Variants in CBFA2T3 observed in about 807,000 individuals in gnomAD.
CBFA2T3 encodes the protein CBFA2/RUNX1 partner transcriptional co-repressor 3.
CBFA2T3 carries 31 observed loss-of-function variants against 58.6 expected under a neutral mutation model. The ratio of observed to expected loss-of-function variants is 0.53; its 90% confidence interval spans 0.40 to 0.71. The LOEUF (loss-of-function observed/expected upper bound fraction) is 0.71, where lower values mean the gene tolerates loss of function less well. Among genes scored for constraint, CBFA2T3 ranks in the 30% least tolerant of loss-of-function variants. The probability of loss-of-function intolerance (pLI) is 0.00; values close to 1 mark genes in which losing one functional copy is unlikely to be tolerated. For missense variants in CBFA2T3, 1,076 were observed against 963.1 expected, an observed-to-expected ratio of 1.12 and a Z score of -1.55; for synonymous variants, 531 against 421.9, an observed-to-expected ratio of 1.26 and a Z score of -3.17.
intron 1 of CBFA2T3, among the ~76,000 whole-genome samples, chr16:88,951,913 T>G (rs1174295326): frequency 2.0e-5 from 3 of 152,158 alleles, no homozygotes; most frequent in Admixed American, 6.5e-5. Flanking sequence ...CATCCTATAG[T>G]TTGGTGCTTG....
At chr16:88,943,603 G>A (rs933159840) in intron 1 of CBFA2T3, among the ~76,000 whole-genome samples, 2 of 152,312 alleles carry the variant, frequency 1.3e-5, no homozygotes, top group Non-Finnish European at 2.9e-5. Flanking sequence ...CTAGCCCAGC[G>A]GTCACAGGGT....
At chr16:88,912,443 TG>T (rs1970560482) in intron 1 of CBFA2T3, among the ~76,000 whole-genome samples, 1 of 152,210 alleles carries the variant, frequency 6.6e-6, no homozygotes, top group Non-Finnish European at 1.5e-5. Context: ...TGGCTCCTAC[TG>T]GAATACTTCC....
intron 5 of CBFA2T3, among the ~76,000 whole-genome samples, chr16:88,888,180 T>A (rs1435700388): frequency 6.6e-6 from 1 of 151,796 alleles, no homozygotes; most frequent in African/African-American, 2.4e-5. Flanking sequence ...GGGCTGGGGT[T>A]CCAGCCAAGC....
At chr16:88,974,305 A>G (rs1157374891) in intron 1 of CBFA2T3, among the ~76,000 whole-genome samples, 1 of 152,168 alleles carries the variant, frequency 6.6e-6, no homozygotes, top group African/African-American at 2.4e-5. Flanking sequence ...CACCGTCTTC[A>G]GGGGTTCCTT....
intron 1 of CBFA2T3, among the ~76,000 whole-genome samples, chr16:88,974,794 C>T (rs539035983): frequency 6.6e-6 from 1 of 152,202 alleles, no homozygotes; most frequent in Non-Finnish European, 1.5e-5. Flanking sequence ...GCTCCTCCAG[C>T]CAGGCGAGGC....
rs566671280 is a variant in CBFA2T3 at position 88,958,826 on chromosome 16, C to T, written c.151+17831G>A. Among the ~76,000 whole-genome samples the T allele has an allele frequency of 2.6e-5, 4 of 152,128 alleles. No homozygotes were observed. The highest frequency in any genetic ancestry group is 5.9e-5 in the Non-Finnish European group (4 of 67,994). ...GCTGCAGGTGTGGGTCCCCCGTGGGCAGCTCTCACACCACAGGCCTGGCTC... is the reference window on the plus strand; with the variant it reads ...GCTGCAGGTGTGGGTCCCCCGTGGGTAGCTCTCACACCACAGGCCTGGCTC... On this transcript the variant is annotated intron_variant, in intron 1 of 11. Coordinates refer to ENST00000268679, the MANE Select transcript of CBFA2T3 (RefSeq NM_005187.6). This position sits in a 1 kb window ranked among gnomAD's most constrained non-coding sequence, Gnocchi z 4.0.
At chr16:88,886,391 G>A (rs1969377450) in intron 5 of CBFA2T3, 3 of 383,288 alleles carry the variant, frequency 7.8e-6, no homozygotes, top group Non-Finnish European at 1.4e-5. Flanking sequence ...TGGGGCATGT[G>A]GGACTTGAGC....
At position 88,942,224 on chromosome 16, in the gene CBFA2T3, G is replaced by T. The variant is rs866031171; in HGVS notation, c.151+34433C>A. 2.0e-5 allele frequency among the ~76,000 whole-genome samples: 3 copies of T among 152,172 alleles called. No individual in the cohort carries two copies. The South Asian group carries it at 6.2e-4, about 32-fold the overall frequency. On this transcript the variant is annotated intron_variant, in intron 1 of 11. Coordinates refer to ENST00000268679, the MANE Select transcript of CBFA2T3 (RefSeq NM_005187.6). ...CTTTCCCTAAAGTACTTTGTGGCGT[G>T]TCTGGCGCATTTGCCTGCTTAGTAC...
rs1359478813 is a variant in CBFA2T3, at chr16:88,886,137, G to T, written c.717C>A (p.Asn239Lys). The T allele has an allele frequency of 6.5e-7, 1 of 1,538,640 alleles. No homozygotes were observed. Among genetic ancestry groups the T allele is most frequent in the Non-Finnish European group, 8.7e-7 (1 of 1,148,472 alleles). The change falls in exon 6 of 12, where the codon AAC becomes AAA. Residue 239 changes from asparagine to lysine, a missense_variant. Asn to Lys is a moderately conservative substitution (Grantham distance 94). Coordinates refer to ENST00000268679, the MANE Select transcript of CBFA2T3 (RefSeq NM_005187.6). ...GGAGCTCCCGCTGCAGCAAGGGCAG[G>T]TTTGCCTGTGGGGTGGGGAAGGAGG... ...RPFVIPFLKA[N>K]LPLLQRELLH...
chr16:88,945,488 T>G (rs935912774), intron 1 of CBFA2T3, among the ~76,000 whole-genome samples: 9 of 152,098 alleles, frequency 5.9e-5, no homozygotes, highest in African/African-American at 1.9e-4. Context: ...AACAGCCCCA[T>G]TAAAAATGAG....
chr16:88,909,557 C>CT (rs1970459284), intron 1 of CBFA2T3, among the ~76,000 whole-genome samples: 1 of 152,150 alleles, frequency 6.6e-6, no homozygotes, highest in Non-Finnish European at 1.5e-5. Context: ...GAAGACGCCA[C>CT]TGCAACCCGG....
intron 1 of CBFA2T3, among the ~76,000 whole-genome samples, chr16:88,962,864 T>C (rs1972403044): frequency 6.6e-6 from 1 of 152,150 alleles, no homozygotes; most frequent in Admixed American, 6.5e-5. Context: ...CCGACATGAA[T>C]TCCCAGGTCC....
At chr16:88,933,855 T>C (rs930501625) in intron 1 of CBFA2T3, among the ~76,000 whole-genome samples, 2 of 151,990 alleles carry the variant, frequency 1.3e-5, no homozygotes, top group Non-Finnish European at 2.9e-5. Context: ...CTCTGCTCTG[T>C]GCAGTACAGC....
At chr16:88,938,674 GCCCTGCTAGT>G (rs1971594384) in intron 1 of CBFA2T3, 1 of 152,232 alleles carries the variant, frequency 6.6e-6, no homozygotes, top group African/African-American at 2.4e-5. Context: ...CAATAACAAG[GCCCTGCTAGT>G]CCCTCCATGC....
intron 1 of CBFA2T3, among the ~76,000 whole-genome samples, chr16:88,966,663 C>T (rs183748751): frequency 2.0e-5 from 3 of 152,146 alleles, no homozygotes; most frequent in African/African-American, 7.2e-5. Context: ...GCAATGGACA[C>T]TCTTGACCTC....
At chr16:88,939,892 A>G (rs1411001714) in intron 1 of CBFA2T3, 1 of 152,176 alleles carries the variant, frequency 6.6e-6, no homozygotes, top group Non-Finnish European at 1.5e-5. Flanking sequence ...AAGTTTCCCC[A>G]ACCTCTCAGA....
rs183608526 is a variant in CBFA2T3 at position 88,940,951 on chromosome 16, C to A, written c.151+35706G>T. On this transcript the variant is annotated intron_variant, in intron 1 of 11. Coordinates refer to ENST00000268679, the MANE Select transcript of CBFA2T3 (RefSeq NM_005187.6). Reference sequence around the variant, plus strand: ...GCTCGGCGCGGCTGCGGCGCAGATCCGGGAACGGCAGCCGCGGGCGGAGTC... The same window carrying A: ...GCTCGGCGCGGCTGCGGCGCAGATCAGGGAACGGCAGCCGCGGGCGGAGTC... The A allele has an allele frequency of 1.4e-3, 1,144 of 809,962 alleles. 3 individuals carry two copies. Among genetic ancestry groups the A allele is most frequent in the Non-Finnish European group, 1.6e-3 (1,099 of 669,090 alleles). 50.2% of individuals were successfully genotyped at this position (809,962 alleles called of 1,614,324 possible).
At chr16:88,908,553 C>T (rs997214952) in intron 1 of CBFA2T3, among the ~76,000 whole-genome samples, 7 of 152,290 alleles carry the variant, frequency 4.6e-5, no homozygotes, top group African/African-American at 1.7e-4. Context: ...CCATCACTTC[C>T]CCGTCCGTGG....
rs1443092379 is a variant in CBFA2T3 at position 88,889,972 on chromosome 16, C to T, written c.711+1910G>A. 3.4e-5 allele frequency among the ~76,000 whole-genome samples: 5 copies of T among 148,528 alleles called. 1 individual carries two copies. Among genetic ancestry groups the T allele is most frequent in the Admixed American group, 2.0e-4 (3 of 14,988 alleles). On this transcript the variant is annotated intron_variant, in intron 5 of 11. Coordinates refer to ENST00000268679, the MANE Select transcript of CBFA2T3 (RefSeq NM_005187.6). ...GCGATTCCTCCTCCTCCAGGGACGA[C>T]GCCCCGTGATTCCTCCTCCTCCAGG... is the stretch of plus-strand genomic sequence containing the variant.
Sources: allele counts gnomAD v4.1 joint callset (sites outside exome capture counted in the v4.1 genomes callset), GRCh38; gene constraint gnomAD v4.1.1; non-coding constraint Gnocchi (gnomAD v3.1); transcripts MANE v1.5; gene names NCBI Gene and HGNC (gene_info 2026-07-23, HGNC 2026-07-21).